The following MND1 variants were observed in gnomAD, a reference collection of about 807,000 sequenced individuals.
MND1 encodes meiotic nuclear divisions 1, also known as meiotic nuclear division protein 1 homolog.
Under a neutral mutation model 35.1 loss-of-function variants are expected in MND1, and 28 were observed. The observed-to-expected ratio is 0.80, with a 90% CI of 0.59 to 1.09. The LOEUF is 1.09. Among genes scored for constraint, MND1 ranks in the 50% least tolerant of loss-of-function variants. The pLI is 0.00. For synonymous variants in MND1, 69 were observed against 70.5 expected, an observed-to-expected ratio of 0.98 and a Z score of 0.11; for missense variants, 213 against 239.6, an observed-to-expected ratio of 0.89 and a Z score of 0.73.
At chr4:153,394,170 G>A (rs543543071) in intron 4 of MND1, 92 bp from the exon 5 acceptor site, 34 of 1,106,300 alleles carry the variant, frequency 3.1e-5, no homozygotes, top group South Asian at 1.3e-4. Flanking sequence ...GTGCTGGGGC[G>A]TGAGCCACTG....
chr4:153,382,931 G>A (rs1728748642), intron 4 of MND1, among the ~76,000 whole-genome samples: 1 of 152,188 alleles, frequency 6.6e-6, no homozygotes, highest in African/African-American at 2.4e-5. Context: ...TGAGTGACAT[G>A]ATGGAGACTA....
intron 6 of MND1, among the ~76,000 whole-genome samples, chr4:153,400,635 C>A (rs1234978585): frequency 3.3e-5 from 5 of 151,984 alleles, no homozygotes; most frequent in Non-Finnish European, 2.9e-5. Flanking sequence ...TTCCTTGCAC[C>A]CAGTAGTTCA....
chr4:153,408,931 T>TATATATAA, intron 6 of MND1, 40 bp from the exon 7 acceptor site: 1 of 680,496 alleles, frequency 1.5e-6, no homozygotes, highest in African/African-American at 2.0e-5. Context: ...TATATATATA[T>TATATATAA]ATAAATACAT....
rs111621372 is a variant in MND1 at position 153,414,953 on chromosome 4, CTG to C, written c.*100_*101del. ...GTACTGAATTGTCGTTTGCCTGTAACTGTGTTTATCATTTTATTAATGTTAAA... is the reference window on the plus strand; with the variant it reads ...GTACTGAATTGTCGTTTGCCTGTAACTGTTTATCATTTTATTAATGTTAAA... On this transcript the variant is annotated 3_prime_UTR_variant, in exon 8 of 8. Transcript: ENST00000240488. 22,534 of 500,550 alleles carry C rather than the reference CTG, an allele frequency of 0.045. 1,096 individuals carry two copies. Among genetic ancestry groups the C allele is most frequent in the African/African-American group, 0.16 (8,133 of 50,178 alleles). 31.0% of individuals were successfully genotyped at this position (500,550 alleles called of 1,614,324 possible). A position where few individuals can be genotyped will look rare whatever the true frequency, so the allele number is the denominator to read the frequency against.
intron 4 of MND1, among the ~76,000 whole-genome samples, chr4:153,372,645 C>CTTGCT: frequency 6.6e-6 from 1 of 152,278 alleles, no homozygotes; most frequent in East Asian, 1.9e-4. Flanking sequence ...CCCCAGGAAA[C>CTTGCT]TTGCTTTGCT....
intron 4 of MND1, among the ~76,000 whole-genome samples, chr4:153,360,359 A>G (rs1263960065): frequency 6.6e-6 from 1 of 152,000 alleles, no homozygotes; most frequent in Non-Finnish European, 1.5e-5. Flanking sequence ...TTCCTGGGAC[A>G]TTCTTTTGGT....
intron 4 of MND1, among the ~76,000 whole-genome samples, chr4:153,372,547 T>A (rs564097751): frequency 6.6e-6 from 1 of 152,326 alleles, no homozygotes; most frequent in Admixed American, 6.5e-5. Flanking sequence ...TCAAGGTAAT[T>A]GAACATACCA....
At chr4:153,400,423 C>T (rs372590350) in intron 6 of MND1, among the ~76,000 whole-genome samples, 79 of 152,278 alleles carry the variant, frequency 5.2e-4, no homozygotes, top group African/African-American at 1.8e-3. Flanking sequence ...CACAGTGGCT[C>T]ATGCCTGTAA....
At position 153,344,737 on chromosome 4, in the gene MND1, C is replaced by T; in HGVS notation, c.-1C>T. 6.3e-7 allele frequency: 1 copy of T among 1,597,342 alleles called. No individual in the cohort carries two copies. Among genetic ancestry groups the T allele is most frequent in the South Asian group, 1.1e-5 (1 of 88,694 alleles). ...CCAGCGGAAGCCCCTGCGCCCGCGC[C>T]ATGGTAAGGACTGAGGCTACGGTCC... On this transcript the variant is annotated 5_prime_UTR_variant, in exon 1 of 8. Transcript: ENST00000240488.
At chr4:153,353,524 G>T in intron 2 of MND1, among the ~76,000 whole-genome samples, 1 of 147,792 alleles carries the variant, frequency 6.8e-6, no homozygotes, top group South Asian at 2.1e-4. Context: ...TATATCCTGG[G>T]TAGCACGCCT....
chr4:153,370,870 C>T (rs1321263666), intron 4 of MND1, among the ~76,000 whole-genome samples: 1 of 152,006 alleles, frequency 6.6e-6, no homozygotes, highest in African/African-American at 2.4e-5. Context: ...AGAAGGTTTT[C>T]AATTTACTTT....
intron 6 of MND1, among the ~76,000 whole-genome samples, chr4:153,408,277 G>A (rs1484788366): frequency 6.6e-6 from 1 of 151,998 alleles, no homozygotes; most frequent in Non-Finnish European, 1.5e-5. Flanking sequence ...CCCTAAATAA[G>A]TAAATAAATA....
intron 1 of MND1, among the ~76,000 whole-genome samples, chr4:153,347,475 G>A (rs74511776): frequency 0.017 from 2,533 of 152,322 alleles, 41 homozygotes; most frequent in East Asian, 0.055. Context: ...AGAGTTGGGG[G>A]CTTTAGATAC....
chr4:153,397,325 A>G lies in MND1; in HGVS notation c.458A>G (p.Glu153Gly), dbSNP rs1363908565. Residue 153 changes from glutamate to glycine, a missense_variant, in exon 6 of 8, where the codon GAA becomes GGA. Physicochemically the swap from Glu to Gly is moderately conservative, Grantham distance 98. Transcript: ENST00000240488. ...KYKDCDPQVV[E>G]EIRQANKVAK... ...AAAGACTGTGATCCGCAAGTTGTGG[A>G]AGAAATACGTAAGTTTGTGTCATAC... The G allele has an allele frequency of 1.2e-6, 2 of 1,609,402 alleles. No individual in the cohort carries two copies. Among genetic ancestry groups the G allele is most frequent in the Non-Finnish European group, 1.7e-6 (2 of 1,177,230 alleles).
At chr4:153,363,989 T>G (rs1773562146) in intron 4 of MND1, among the ~76,000 whole-genome samples, 1 of 152,120 alleles carries the variant, frequency 6.6e-6, no homozygotes. Context: ...ATCCCAATAC[T>G]TTGGGAGGTC....
chr4:153,410,091 T>C (rs1421155885), intron 7 of MND1, among the ~76,000 whole-genome samples: 1 of 152,182 alleles, frequency 6.6e-6, no homozygotes, highest in Non-Finnish European at 1.5e-5. Context: ...TACTTCCTCA[T>C]CTGTTCAATG....
At chr4:153,404,704 C>T (rs917354675) in intron 6 of MND1, among the ~76,000 whole-genome samples, 14 of 151,860 alleles carry the variant, frequency 9.2e-5, no homozygotes, top group African/African-American at 2.9e-4. Context: ...GTCTTGAACT[C>T]CTGACCTCCG....
upstream of MND1, chr4:153,344,682 T>A (rs1773024092): frequency 2.6e-6 from 4 of 1,520,346 alleles, no homozygotes; most frequent in Non-Finnish European, 3.6e-6. Context: ...TCCTGGCCTG[T>A]CCCGCCCCTC....
chr4:153,364,515 T>G (rs1306632849), intron 4 of MND1, among the ~76,000 whole-genome samples: 1 of 127,862 alleles, frequency 7.8e-6, no homozygotes, highest in Admixed American at 7.4e-5. Flanking sequence ...AGACCCTGTT[T>G]AAGAAAAAAA....
Sources: allele counts gnomAD v4.1 joint callset (sites outside exome capture counted in the v4.1 genomes callset), GRCh38; gene constraint gnomAD v4.1.1; transcripts MANE v1.5; gene names NCBI Gene and HGNC (gene_info 2026-07-23, HGNC 2026-07-21).